ZNF618: variants seen among roughly 807,000 people sequenced by gnomAD.
ZNF618 encodes the protein zinc finger protein 618.
ZNF618 carries 34 observed loss-of-function variants against 103.0 expected under a neutral mutation model. The ratio of observed to expected loss-of-function variants is 0.33; its 90% CI spans 0.25 to 0.44. The LOEUF (loss-of-function observed/expected upper bound fraction) is 0.44. Ranked by LOEUF, ZNF618 falls within the 20% of genes least tolerant of loss-of-function variation. ZNF618 has a pLI of 1.00. For synonymous variants in ZNF618, 551 were observed against 542.2 expected (o/e 1.02, Z -0.23); for missense variants, 1,059 against 1,295.4 (o/e 0.82, Z 2.80).
chr9:113,947,564 T>C (rs1290345870), intron 1 of ZNF618, among the ~76,000 whole-genome samples: 2 of 152,164 alleles, frequency 1.3e-5, no homozygotes, highest in Non-Finnish European at 2.9e-5. Context: ...CCTACAGCCA[T>C]GTGCCTCTGA....
chr9:113,990,365 C>T (rs1182186470), intron 3 of ZNF618, among the ~76,000 whole-genome samples: 1 of 152,178 alleles, frequency 6.6e-6, no homozygotes, highest in East Asian at 1.9e-4. Flanking sequence ...TCCATGTTCC[C>T]TGCTTCCACT....
intron 1 of ZNF618, among the ~76,000 whole-genome samples, chr9:113,898,557 G>T (rs952970968): frequency 5.3e-5 from 8 of 151,690 alleles, no homozygotes; most frequent in African/African-American, 1.9e-4. Flanking sequence ...CTCCTGAGGA[G>T]CTGGGACTAC....
intron 3 of ZNF618, among the ~76,000 whole-genome samples, chr9:113,990,543 G>A (rs1389823909): frequency 2.0e-5 from 3 of 152,308 alleles, no homozygotes; most frequent in East Asian, 3.9e-4. Context: ...CACACTACAC[G>A]TCCATTGTGG....
chr9:114,036,278 G>A (rs763445475), intron 12 of ZNF618, 22 bp from the exon 13 acceptor site: 2 of 1,557,650 alleles, frequency 1.3e-6, no homozygotes, highest in Admixed American at 3.9e-5. Context: ...CCCTCACGTG[G>A]CTGCCGCATT....
chr9:113,951,589 G>GTGTGTA (rs369720280), intron 1 of ZNF618, among the ~76,000 whole-genome samples: 28,125 of 71,070 alleles, frequency 0.4, 9,868 homozygotes, highest in Admixed American at 0.54. Context: ...GTGTGTGTGT[G>GTGTGTA]TGTGTGTGTA....
At chr9:113,924,910 T>G (rs536094271) in intron 1 of ZNF618, among the ~76,000 whole-genome samples, 73 of 151,998 alleles carry the variant, frequency 4.8e-4, no homozygotes, top group Non-Finnish European at 9.6e-4. Flanking sequence ...TTCTGTTCTT[T>G]TAATCTCGTT....
intron 10 of ZNF618, 76 bp from the exon 11 acceptor site, chr9:114,028,656 TG>T: frequency 6.7e-7 from 1 of 1,489,910 alleles, no homozygotes; most frequent in East Asian, 2.5e-5. Flanking sequence ...CCCTGGAATG[TG>T]GGGCTGGTGG....
intron 2 of ZNF618, among the ~76,000 whole-genome samples, chr9:113,983,681 A>AGCTCCAGGTGTTAAGGGC (rs1839181237): frequency 6.6e-6 from 1 of 152,218 alleles, no homozygotes; most frequent in African/African-American, 2.4e-5. Flanking sequence ...CCTGACTCTC[A>AGCTCCAGGTGTTAAGGGC]GCTCCAGGTG....
chr9:113,890,564 T>C lies in ZNF618; in HGVS notation c.33+14151T>C, dbSNP rs546241661. Among the ~76,000 whole-genome samples the C allele has an allele frequency of 1.4e-4, 21 of 152,376 alleles. No individual in the cohort carries two copies. The East Asian group carries it at 1.9e-3, about 14-fold the overall frequency. On this transcript the variant is annotated intron_variant, in intron 1 of 14. Transcript: ENST00000374126. ...AATTTGTCATTGTTATAACCTACTC[T>C]GTGAGAAACATCTTTTTCGTACAGC... is the stretch of plus-strand genomic sequence containing the variant.
At chr9:114,002,692 T>C (rs1360180847) in intron 6 of ZNF618, 30 bp downstream of exon 6, 1 of 1,609,072 alleles carries the variant, frequency 6.2e-7, no homozygotes, top group South Asian at 1.1e-5. Context: ...CGTGGGCTGC[T>C]GAGGGGCGAG....
chr9:114,002,145 C>A, intron 5 of ZNF618, 72 bp downstream of exon 5: 1 of 1,423,928 alleles, frequency 7.0e-7, no homozygotes, highest in Non-Finnish European at 9.8e-7. Flanking sequence ...CCACTTGGGC[C>A]CCTCGTGGGT....
At chr9:113,876,550 T>G in intron 1 of ZNF618, 137 bp downstream of exon 1, 2 of 626,254 alleles carry the variant, frequency 3.2e-6, no homozygotes, top group East Asian at 1.4e-4. Flanking sequence ...GTGGGCGCAA[T>G]CGGGAGGGTC....
Position 113,975,703 on chromosome 9 carries a change from T to C in ZNF618, c.77+6543T>C, listed in dbSNP as rs1002909647. On this transcript the variant is annotated intron_variant, in intron 2 of 14. Transcript: ENST00000374126. ...GAAAAAAATAAATTAAAAATCCAGA[T>C]ACTTCTGGCCCTGAGTGTTTCAGAT... Among the ~76,000 whole-genome samples, 3 of 152,308 alleles carry C rather than the reference T, an allele frequency of 2.0e-5. No individual in the cohort carries two copies. The South Asian group carries it at 6.2e-4, about 32-fold the overall frequency.
intron 1 of ZNF618, among the ~76,000 whole-genome samples, chr9:113,953,963 C>T (rs1024791659): frequency 2.0e-5 from 3 of 152,044 alleles, no homozygotes; most frequent in Non-Finnish European, 4.4e-5. Context: ...GGGAGATTGC[C>T]CCTGTGGCCT....
chr9:113,928,284 T>C (rs1833275067), intron 1 of ZNF618, among the ~76,000 whole-genome samples: 1 of 152,228 alleles, frequency 6.6e-6, no homozygotes, highest in South Asian at 2.1e-4. Context: ...ATAGTTTCCA[T>C]CTCTTTGCTT....
chr9:113,985,433 G>A (rs1408986888), intron 2 of ZNF618, among the ~76,000 whole-genome samples: 1 of 152,212 alleles, frequency 6.6e-6, no homozygotes, highest in Non-Finnish European at 1.5e-5. Flanking sequence ...TGCTGGACCT[G>A]CCAGTTCTAG....
chr9:113,985,770 C>T (rs1274113141), intron 2 of ZNF618, among the ~76,000 whole-genome samples: 1 of 152,202 alleles, frequency 6.6e-6, no homozygotes, highest in Non-Finnish European at 1.5e-5. Flanking sequence ...CTCGTACCAC[C>T]CACATGACTT....
At chr9:113,994,455 C>T (rs1391401010) in intron 3 of ZNF618, among the ~76,000 whole-genome samples, 2 of 152,230 alleles carry the variant, frequency 1.3e-5, no homozygotes, top group Non-Finnish European at 2.9e-5. Context: ...CTGCTACTGA[C>T]GCTTCCTCTT....
At chr9:114,007,035 G>A (rs555327270) in intron 6 of ZNF618, among the ~76,000 whole-genome samples, 8 of 152,302 alleles carry the variant, frequency 5.3e-5, no homozygotes, top group African/African-American at 1.2e-4. Context: ...ACTGCATTCT[G>A]TTCATTAGAA....
Sources: allele counts gnomAD v4.1 joint callset (sites outside exome capture counted in the v4.1 genomes callset), GRCh38; gene constraint gnomAD v4.1.1; transcripts MANE v1.5; gene names NCBI Gene and HGNC (gene_info 2026-07-23, HGNC 2026-07-21).